Variants in CDH13 observed in about 807,000 individuals in gnomAD.
CDH13 encodes the protein cadherin-13.
Under a neutral mutation model 63.8 loss-of-function variants are expected in CDH13, and 24 were observed. The observed-to-expected ratio is 0.38, with a 90% CI of 0.27 to 0.53. CDH13 has a LOEUF of 0.53. Among genes scored for constraint, CDH13 ranks in the 20% least tolerant of loss-of-function variants. The pLI, the probability that CDH13 is intolerant of heterozygous loss-of-function variation, is 0.85. For synonymous variants in CDH13, 503 were observed against 355.3 expected (o/e 1.42, Z -4.67); for missense variants, 1,049 against 903.1 (o/e 1.16, Z -2.07).
At chr16:82,800,474 G>C (rs1367969078) in intron 1 of CDH13, among the ~76,000 whole-genome samples, 2 of 152,128 alleles carry the variant, frequency 1.3e-5, no homozygotes, top group Non-Finnish European at 2.9e-5. Flanking sequence ...CAGGGAGTGA[G>C]TCTTAGAAGG....
intron 4 of CDH13, among the ~76,000 whole-genome samples, chr16:83,161,738 C>G (rs1274304592): frequency 6.6e-6 from 1 of 152,168 alleles, no homozygotes; most frequent in Non-Finnish European, 1.5e-5. Context: ...CCATCCGTCT[C>G]TGTCACTCTC....
At chr16:82,761,015 TTC>T (rs2034819639) in intron 1 of CDH13, among the ~76,000 whole-genome samples, 1 of 112,116 alleles carries the variant, frequency 8.9e-6, no homozygotes, top group East Asian at 3.6e-4. Flanking sequence ...ATTTCTTTCT[TTC>T]TTTTTTTTTT....
At chr16:82,790,567 G>C (rs62036780) in intron 1 of CDH13, among the ~76,000 whole-genome samples, 9,498 of 152,244 alleles carry the variant, frequency 0.062, 321 homozygotes, top group Middle Eastern at 0.12. Flanking sequence ...CATATCCTGC[G>C]TCCCATAGTA....
chr16:83,536,247 G>A (rs7204813), intron 7 of CDH13, among the ~76,000 whole-genome samples: 20 of 152,178 alleles, frequency 1.3e-4, no homozygotes, highest in African/African-American at 4.6e-4. Flanking sequence ...AATGTAGTTG[G>A]GGGGACCAAT....
At chr16:83,160,132 G>T (rs1227537092) in intron 4 of CDH13, among the ~76,000 whole-genome samples, 1 of 152,062 alleles carries the variant, frequency 6.6e-6, no homozygotes, top group Non-Finnish European at 1.5e-5. Flanking sequence ...CATGCTGTTG[G>T]ATGTACCATG....
intron 6 of CDH13, among the ~76,000 whole-genome samples, chr16:83,472,567 C>T (rs1199831539): frequency 6.6e-6 from 1 of 152,184 alleles, no homozygotes; most frequent in Non-Finnish European, 1.5e-5. Context: ...GCATCTAGTG[C>T]AGCTCTCTTA....
intron 1 of CDH13, among the ~76,000 whole-genome samples, chr16:82,816,148 T>A (rs1461357231): frequency 1.3e-5 from 2 of 152,050 alleles, no homozygotes; most frequent in East Asian, 3.9e-4. Flanking sequence ...GACCTCAGGG[T>A]CAGCCTCTCT....
chr16:83,242,710 T>C (rs1904587466), intron 5 of CDH13, among the ~76,000 whole-genome samples: 1 of 152,210 alleles, frequency 6.6e-6, no homozygotes, highest in African/African-American at 2.4e-5. Flanking sequence ...CAGAAAGTGA[T>C]AGTTTTAGAT....
At chr16:83,127,146 A>G (rs2035846278) in intron 4 of CDH13, among the ~76,000 whole-genome samples, 1 of 152,210 alleles carries the variant, frequency 6.6e-6, no homozygotes, top group Non-Finnish European at 1.5e-5. Context: ...AATAGCATGT[A>G]GTAGAGTCGC....
At chr16:83,323,275 T>G (rs9923946) in intron 5 of CDH13, among the ~76,000 whole-genome samples, 44,302 of 90,190 alleles carry the variant, frequency 0.49, 8,335 homozygotes, top group East Asian at 0.65. Flanking sequence ...TCTTGTTTTC[T>G]TTTTTTCTTT....
chr16:82,823,402 A>G (rs1293692472), intron 1 of CDH13: 1 of 37,370 alleles, frequency 2.7e-5, no homozygotes, highest in Non-Finnish European at 5.8e-5. Flanking sequence ...CTGAAGAGAT[A>G]GGGAAAAAAA....
intron 1 of CDH13, among the ~76,000 whole-genome samples, chr16:82,696,715 A>G (rs1234109353): frequency 6.6e-6 from 1 of 152,228 alleles, no homozygotes; most frequent in African/African-American, 2.4e-5. Context: ...CTATCTATGT[A>G]TGTTAATTAT....
rs539960925 is a variant in CDH13, at chr16:82,746,034, A to C, written c.46-112328A>C. Among the ~76,000 whole-genome samples the C allele has an allele frequency of 2.6e-5, 4 of 152,218 alleles. No individual in the cohort carries two copies. In the East Asian group the frequency reaches 7.7e-4, roughly 29 times the overall value. ...AATTACACTGTCTTCATCATTAGTC[A>C]TAACGTTTTAAAAACATAATTGCCA... On this transcript the variant is annotated intron_variant, in intron 1 of 13. Transcript: ENST00000567109.
intron 6 of CDH13, among the ~76,000 whole-genome samples, chr16:83,463,082 G>A (rs773298362): frequency 4.6e-5 from 7 of 152,074 alleles, no homozygotes; most frequent in Non-Finnish European, 7.3e-5. Flanking sequence ...ACACTGCCTC[G>A]GGAAGGAGTG....
At chr16:83,409,254 G>C (rs1231420250) in intron 6 of CDH13, among the ~76,000 whole-genome samples, 2 of 152,084 alleles carry the variant, frequency 1.3e-5, no homozygotes, top group Non-Finnish European at 2.9e-5. Flanking sequence ...ATGGGAGCTG[G>C]GGAGTGGATA....
intron 2 of CDH13, among the ~76,000 whole-genome samples, chr16:82,912,666 G>A (rs541795763): frequency 6.6e-5 from 10 of 152,294 alleles, no homozygotes; most frequent in African/African-American, 2.2e-4. Context: ...GTGACTCGCC[G>A]GGCGCGGTGG....
chr16:83,298,738 A>G (rs1389592575), intron 5 of CDH13, among the ~76,000 whole-genome samples: 2 of 152,198 alleles, frequency 1.3e-5, no homozygotes, highest in African/African-American at 2.4e-5. Flanking sequence ...AGATGGCCCC[A>G]GAGTAAAAGC....
At chr16:83,597,386 A>C (rs1158707873) in intron 7 of CDH13, among the ~76,000 whole-genome samples, 1 of 152,224 alleles carries the variant, frequency 6.6e-6, no homozygotes, top group Non-Finnish European at 1.5e-5. Context: ...TGGTAAAACA[A>C]ATTGTGTCGC....
intron 2 of CDH13, among the ~76,000 whole-genome samples, chr16:82,893,987 C>G (rs1377374120): frequency 6.6e-6 from 1 of 152,078 alleles, no homozygotes; most frequent in Non-Finnish European, 1.5e-5. Flanking sequence ...AGAGAGCAGC[C>G]AGCCACTATC....
Sources: gnomAD v4.1 joint callset for allele counts (sites outside exome capture counted in the v4.1 genomes callset) on GRCh38, gnomAD v4.1.1 for gene constraint, MANE v1.5 for transcripts, NCBI Gene and HGNC (gene_info 2026-07-23, HGNC 2026-07-21) for gene names.